The following POSTN variants were observed in gnomAD, a reference collection of about 807,000 sequenced individuals.
POSTN encodes the protein osteoblast specific factor 2 (fasciclin I-like).
A neutral mutation model predicts 104.5 loss-of-function variants in POSTN; 71 were observed. The observed-to-expected ratio is 0.68, with a 90% CI of 0.56 to 0.83. The LOEUF (loss-of-function observed/expected upper bound fraction) is 0.83. Among genes scored for constraint, POSTN ranks in the 40% least tolerant of loss-of-function variants. POSTN has a pLI of 0.00. For synonymous variants in POSTN, 355 were observed against 340.7 expected (o/e 1.04, Z -0.46); for missense variants, 949 against 1,006.8 (o/e 0.94, Z 0.78).
intron 2 of POSTN, among the ~76,000 whole-genome samples, chr13:37,596,180 C>A (rs1008406295): frequency 1.3e-5 from 2 of 152,098 alleles, no homozygotes; most frequent in East Asian, 3.9e-4. Context: ...CTTAGGGTAA[C>A]TGAATTTTAA....
intron 10 of POSTN, among the ~76,000 whole-genome samples, 178 bp downstream of exon 10, chr13:37,582,188 A>C (rs916915128): frequency 6.6e-6 from 1 of 152,256 alleles, no homozygotes; most frequent in African/African-American, 2.4e-5. Context: ...TTTTGAATAC[A>C]TAGCACTTGT....
At chr13:37,567,379 A>C (rs1950144357) in intron 21 of POSTN, among the ~76,000 whole-genome samples, 1 of 152,056 alleles carries the variant, frequency 6.6e-6, no homozygotes, top group East Asian at 1.9e-4. Flanking sequence ...CTTGGAAAAA[A>C]AAAAAGTCTT....
chr13:37,597,177 G>C lies in POSTN; in HGVS notation c.218+7C>G, dbSNP rs1951109206. On this transcript the variant is annotated splice_region_variant and intron_variant, in intron 2 of 22. Transcript: ENST00000379747. ...CTGACATATTATGAAAAAAAAAAGA[G>C]ACTTACGTTTTCTGTCCACAGATGG... 2 of 1,523,078 alleles carry C rather than the reference G, an allele frequency of 1.3e-6. No homozygotes were observed. The highest frequency in any genetic ancestry group is 2.9e-5 in the African/African-American group (2 of 69,524). 94.3% of individuals were successfully genotyped at this position (1,523,078 alleles called of 1,614,324 possible). A position where few individuals can be genotyped will look rare whatever the true frequency, so the allele number is the denominator to read the frequency against.
chr13:37,593,995 C>A (rs2138394011), intron 2 of POSTN, among the ~76,000 whole-genome samples: 1 of 151,876 alleles, frequency 6.6e-6, no homozygotes. Flanking sequence ...GAAATACCCA[C>A]TTCAAGTTAT....
rs756532157 is a variant in POSTN, at chr13:37,592,127, T to A, written c.256A>T (p.Met86Leu). The A allele has an allele frequency of 7.5e-6, 12 of 1,607,880 alleles. No homozygotes were observed. Among genetic ancestry groups the A allele is most frequent in the Non-Finnish European group, 8.5e-6 (10 of 1,174,480 alleles). The change falls in exon 3 of 23, where the codon ATG becomes TTG. Residue 86 changes from methionine to leucine, a missense_variant. Met to Leu is a conservative substitution (Grantham distance 15). Transcript: ENST00000379747. ...GCTGGGCAGCCTTTCATTCCTTCCA[T>A]TCTCATATAACCAGGGCAACATTCA... ...LYECCPGYMR[M>L]EGMKGCPAVL...
intron 2 of POSTN, among the ~76,000 whole-genome samples, chr13:37,595,047 ATTT>A (rs34055085): frequency 1.4e-5 from 2 of 144,398 alleles, no homozygotes; most frequent in African/African-American, 5.1e-5. Flanking sequence ...CAAAGTAGTG[ATTT>A]TTTTTTTTTT....
rs960569612 is a variant in POSTN at position 37,563,164 on chromosome 13, A to G, written c.*169T>C. 2.0e-5 allele frequency: 8 copies of G among 391,482 alleles called. No individual in the cohort carries two copies. The highest frequency in any genetic ancestry group is 3.2e-5 in the Non-Finnish European group (7 of 219,670). 24.3% of individuals were successfully genotyped at this position (391,482 alleles called of 1,614,324 possible). A position where few individuals can be genotyped will look rare whatever the true frequency, so the allele number is the denominator to read the frequency against. ...GGAGGCTAACTCCACAATTTCCCTC[A>G]TGTTTCTCATTCAGAAAAAAAAATA... On this transcript the variant is annotated 3_prime_UTR_variant, in exon 23 of 23. Transcript: ENST00000379747.
intron 17 of POSTN, among the ~76,000 whole-genome samples, chr13:37,574,197 A>T (rs1354434898): frequency 1.3e-5 from 2 of 151,448 alleles, no homozygotes; most frequent in African/African-American, 4.8e-5. Flanking sequence ...TTGCACTGTT[A>T]TAAGAAAGAA....
Position 37,582,534 on chromosome 13 carries a change from G to A in POSTN, c.1244-20C>T. ...TATCATCTGTAAATAAATTCATTAA[G>A]AAAGAGCATTATTTTATTTAGAAAA... On this transcript the variant is annotated intron_variant, in intron 9 of 22. Transcript: ENST00000379747. 1.9e-6 allele frequency: 3 copies of A among 1,573,282 alleles called. No individual in the cohort carries two copies. The highest frequency in any genetic ancestry group is 1.7e-6 in the Non-Finnish European group (2 of 1,161,670).
Position 37,584,787 on chromosome 13 carries a change from A to G in POSTN, c.1037T>C (p.Val346Ala). The G allele has an allele frequency of 1.2e-6, 2 of 1,613,908 alleles. No individual in the cohort carries two copies. Among genetic ancestry groups the G allele is most frequent in the South Asian group, 1.1e-5 (1 of 91,076 alleles). The change falls in exon 8 of 23, where the codon GTG becomes GCG. Residue 346 changes from valine to alanine, a missense_variant. Coordinates refer to ENST00000379747, the MANE Select transcript of POSTN (RefSeq NM_006475.3). ...ATTTGTCACAATATCCTTTTTGTTCACCATTTTGATTCCATTTACTGTTAT... is the reference window on the plus strand; with the variant it reads ...ATTTGTCACAATATCCTTTTTGTTCGCCATTTTGATTCCATTTACTGTTAT... ...DSITVNGIKM[V>A]NKKDIVTNNG...
chr13:37,594,347 T>C lies in POSTN; in HGVS notation c.219-2183A>G, dbSNP rs140814050. On this transcript the variant is annotated intron_variant, in intron 2 of 22. Transcript: ENST00000379747. ...AAGGGTCAGTCATAATGTAGAGAAT[T>C]AATGCAGTAGATGAGATAAAATTCC... 2.6e-5 allele frequency among the ~76,000 whole-genome samples: 4 copies of C among 152,272 alleles called. No homozygotes were observed. The East Asian group carries it at 7.7e-4, about 29-fold the overall frequency.
At position 37,579,214 on chromosome 13, in the gene POSTN, T is replaced by C. The variant is rs7323378; in HGVS notation, c.1791+15A>G. ...ATGGATGAACACTATCATAAATTCA[T>C]TCTAGACAACTTACTTCTTTCAGAA... is the stretch of plus-strand genomic sequence containing the variant. On this transcript the variant is annotated intron_variant, in intron 13 of 22. Coordinates refer to ENST00000379747, the MANE Select transcript of POSTN (RefSeq NM_006475.3). The C allele has an allele frequency of 0.44, 709,498 of 1,607,450 alleles. 159,223 individuals carry two copies. Among genetic ancestry groups the C allele is most frequent in the Middle Eastern group, 0.5 (3,005 of 6,050 alleles).
At chr13:37,583,033 T>C (rs1950641935) in intron 9 of POSTN, among the ~76,000 whole-genome samples, 1 of 152,172 alleles carries the variant, frequency 6.6e-6, no homozygotes, top group Non-Finnish European at 1.5e-5. Flanking sequence ...AGTTTTTATA[T>C]CACAATTTAG....
chr13:37,575,278 C>CTT (rs74262878), intron 16 of POSTN, among the ~76,000 whole-genome samples: 1 of 142,918 alleles, frequency 7.0e-6, no homozygotes. Flanking sequence ...TATCACTATC[C>CTT]TTTTTTTTTT....
intron 11 of POSTN, 87 bp downstream of exon 11, chr13:37,580,474 G>T: frequency 7.1e-7 from 1 of 1,414,120 alleles, no homozygotes; most frequent in Non-Finnish European, 9.9e-7. Context: ...CCACATAGGA[G>T]ACTGAATGCC....
intron 22 of POSTN, 22 bp from the exon 23 acceptor site, chr13:37,563,392 T>G: frequency 6.7e-7 from 1 of 1,501,614 alleles, no homozygotes. Flanking sequence ...GAAAGGAGAA[T>G]GTATAGACTG....
At chr13:37,588,039 AG>A (rs1447068702) in intron 4 of POSTN, 53 bp from the exon 5 acceptor site, 2 of 1,400,942 alleles carry the variant, frequency 1.4e-6, no homozygotes, top group Non-Finnish European at 2.0e-6. Context: ...CATTAGTAAA[AG>A]TCTTACGATC....
At chr13:37,577,961 G>A (rs1043484208) in intron 15 of POSTN, among the ~76,000 whole-genome samples, 163 bp from the exon 16 acceptor site, 1 of 151,886 alleles carries the variant, frequency 6.6e-6, no homozygotes, top group Non-Finnish European at 1.5e-5. Flanking sequence ...AATGCTATCA[G>A]GTCAGAGGGC....
Position 37,586,173 on chromosome 13 carries a change from T to C in POSTN, c.861A>G (p.Leu287=). The change falls in exon 7 of 23, where the codon CTA becomes CTG. Residue 287 remains leucine (L), a synonymous_variant. Transcript: ENST00000379747. ...CCACTTTGTCTCCCATGATCCTTTC[T>C]AGGACACCTCGTGGAAGTTTCTCAA... The part of the protein sequence containing the change: ...EAFEKLPRGV[L]ERIMGDKVAS... 6.2e-7 allele frequency: 1 copy of C among 1,613,876 alleles called. No individual in the cohort carries two copies. The highest frequency in any genetic ancestry group is 8.5e-7 in the Non-Finnish European group (1 of 1,179,796).
Sources: gnomAD v4.1 joint callset for allele counts (sites outside exome capture counted in the v4.1 genomes callset) on GRCh38, gnomAD v4.1.1 for gene constraint, MANE v1.5 for transcripts, NCBI Gene and HGNC (gene_info 2026-07-23, HGNC 2026-07-21) for gene names.